The following COBL variants were observed in gnomAD, a reference collection of about 807,000 sequenced individuals.
The protein encoded by COBL is cordon-bleu WH2 repeat protein.
Under a neutral mutation model 98.8 loss-of-function variants are expected in COBL, and 51 were observed. The observed-to-expected ratio is 0.52, with a 90% CI of 0.41 to 0.65. The LOEUF is 0.65. Ranked by LOEUF, COBL falls within the 30% of genes least tolerant of loss-of-function variation. The pLI, the probability that COBL is intolerant of heterozygous loss-of-function variation, is 0.00. For missense variants in COBL, 1,617 were observed against 1,617.5 expected, an observed-to-expected ratio of 1.00 and a Z score of 0.01; for synonymous variants, 634 against 651.7, an observed-to-expected ratio of 0.97 and a Z score of 0.41.
At chr7:51,147,908 A>G (rs1008318037) in intron 5 of COBL, among the ~76,000 whole-genome samples, 1 of 151,258 alleles carries the variant, frequency 6.6e-6, no homozygotes, top group African/African-American at 2.4e-5. Flanking sequence ...CCGCCACCAC[A>G]CCCAGCTAAG....
chr7:51,288,575 A>G (rs1410811881), intron 1 of COBL, among the ~76,000 whole-genome samples: 1 of 151,988 alleles, frequency 6.6e-6, no homozygotes, highest in Non-Finnish European at 1.5e-5. Context: ...CAACATGGTG[A>G]AACCCTGTCT....
chr7:51,180,004 C>T (rs776043304), intron 5 of COBL, among the ~76,000 whole-genome samples: 1 of 152,174 alleles, frequency 6.6e-6, no homozygotes, highest in Non-Finnish European at 1.5e-5. Context: ...GGGTAAAGTA[C>T]ACTATGGTGG....
At chr7:51,207,663 C>G (rs1350918817) in intron 2 of COBL, among the ~76,000 whole-genome samples, 1 of 152,200 alleles carries the variant, frequency 6.6e-6, no homozygotes, top group Non-Finnish European at 1.5e-5. Context: ...AGCTCCTAAC[C>G]GCGAGTGATC....
chr7:51,026,602 G>A lies in COBL; in HGVS notation c.3448C>T (p.Arg1150Ter), dbSNP rs372944246. ...KLSYTEAEGERSALLAAIRGH... is the reference protein window; with the variant it reads ...KLSYTEAEGE ...CGGATAGCTGCCAGCAGTGCAGATC[G>A]TTCGCCCTCTGCCTCCGTGTAGGAC... Residue 1150 changes from arginine (R) to a stop codon, truncating the protein, a stop_gained, in exon 11 of 13, where the codon CGA becomes TGA. Coordinates refer to ENST00000265136, the MANE Select transcript of COBL (RefSeq NM_015198.5). LOFTEE classifies it high-confidence loss of function. The A allele has an allele frequency of 7.4e-6, 12 of 1,614,004 alleles. No homozygotes were observed. The highest frequency in any genetic ancestry group is 1.0e-5 in the Non-Finnish European group (12 of 1,180,038).
At chr7:51,154,405 C>T (rs889075348) in intron 5 of COBL, among the ~76,000 whole-genome samples, 5 of 152,212 alleles carry the variant, frequency 3.3e-5, no homozygotes, top group Non-Finnish European at 5.9e-5. Flanking sequence ...AGCAAGGGTG[C>T]CACAGAGCTG....
chr7:51,304,141 A>G (rs1182337992), intron 1 of COBL, among the ~76,000 whole-genome samples: 1 of 152,176 alleles, frequency 6.6e-6, no homozygotes, highest in African/African-American at 2.4e-5. Context: ...TGATGGTGTG[A>G]GAGAGGCAGC....
chr7:51,090,403 C>A (rs896512844), intron 6 of COBL, among the ~76,000 whole-genome samples: 4 of 152,346 alleles, frequency 2.6e-5, no homozygotes, highest in African/African-American at 9.6e-5. Context: ...TTCCCCTAAC[C>A]CAGTATCGCT....
intron 7 of COBL, among the ~76,000 whole-genome samples, chr7:51,069,353 G>C (rs958536814): frequency 6.6e-6 from 1 of 152,248 alleles, no homozygotes; most frequent in East Asian, 1.9e-4. Flanking sequence ...TCAGGCTCCT[G>C]ACTATAGGAC....
At position 51,025,092 on chromosome 7, in the gene COBL, C is replaced by T. The variant is rs10262459; in HGVS notation, c.3768+17G>A. The stretch of plus-strand genomic sequence containing the variant: ...CCCTCTGGCCCCATTGAAATGCGCA[C>T]ACACAGTCGCCATCACCTTTCTCAG... On this transcript the variant is annotated intron_variant, in intron 12 of 12. Coordinates refer to ENST00000265136, the MANE Select transcript of COBL (RefSeq NM_015198.5). 6.2e-7 allele frequency: 1 copy of T among 1,611,952 alleles called. No homozygotes were observed. The highest frequency in any genetic ancestry group is 2.2e-5 in the East Asian group (1 of 44,876).
chr7:51,313,705 G>T (rs1300705331), intron 1 of COBL, among the ~76,000 whole-genome samples: 2 of 152,210 alleles, frequency 1.3e-5, no homozygotes, highest in African/African-American at 4.8e-5. Flanking sequence ...TTAACAGAGG[G>T]TCCAATGGGA....
At chr7:51,298,973 C>A (rs775211979) in intron 1 of COBL, among the ~76,000 whole-genome samples, 1 of 152,214 alleles carries the variant, frequency 6.6e-6, no homozygotes, top group Non-Finnish European at 1.5e-5. Context: ...CTCTCCCCAG[C>A]ACAATCAATC....
intron 1 of COBL, among the ~76,000 whole-genome samples, chr7:51,297,389 A>ATTTT (rs1801509278): frequency 1.7e-5 from 2 of 118,990 alleles, no homozygotes; most frequent in East Asian, 5.9e-4. Flanking sequence ...CATTTTGAAA[A>ATTTT]TCTTTTTTTT....
At chr7:51,065,122 G>GA in intron 7 of COBL, 1 of 694,890 alleles carries the variant, frequency 1.4e-6, no homozygotes, top group Non-Finnish European at 2.6e-6. Context: ...ACAGAGGATA[G>GA]AAAAAAACAA....
At chr7:51,173,253 C>A (rs750898486) in intron 5 of COBL, among the ~76,000 whole-genome samples, 2 of 151,990 alleles carry the variant, frequency 1.3e-5, no homozygotes, top group African/African-American at 2.4e-5. Context: ...GCTATCTTGG[C>A]TCACTGCAAC....
chr7:51,203,820 C>T (rs1445749755), intron 2 of COBL, among the ~76,000 whole-genome samples: 1 of 152,088 alleles, frequency 6.6e-6, no homozygotes, highest in African/African-American at 2.4e-5. Context: ...GATACTAGTG[C>T]TTTTTAAACT....
chr7:51,117,788 T>C (rs1469492641), intron 6 of COBL, among the ~76,000 whole-genome samples: 2 of 152,210 alleles, frequency 1.3e-5, no homozygotes, highest in Non-Finnish European at 2.9e-5. Flanking sequence ...ATCCTGGACA[T>C]TGTTGAGTGT....
intron 6 of COBL, among the ~76,000 whole-genome samples, chr7:51,088,397 A>G (rs1794488756): frequency 8.7e-6 from 1 of 115,282 alleles, no homozygotes; most frequent in Non-Finnish European, 1.8e-5. Flanking sequence ...TAAATTAGTT[A>G]CTGTTTTTTT....
chr7:51,259,715 A>G, intron 1 of COBL: 1 of 740,142 alleles, frequency 1.4e-6, no homozygotes, highest in South Asian at 1.4e-5. Flanking sequence ...ACATTTCAAA[A>G]TGAGTTCCCA....
intron 6 of COBL, among the ~76,000 whole-genome samples, chr7:51,113,670 T>C (rs1227009545): frequency 6.6e-6 from 1 of 152,236 alleles, no homozygotes; most frequent in Non-Finnish European, 1.5e-5. Flanking sequence ...GAATGAGTGC[T>C]TTTTAAAGAA....
Sources: gnomAD v4.1 joint callset for allele counts (sites outside exome capture counted in the v4.1 genomes callset) on GRCh38, gnomAD v4.1.1 for gene constraint, MANE v1.5 for transcripts, NCBI Gene and HGNC (gene_info 2026-07-23, HGNC 2026-07-21) for gene names.